PTPN11: variants seen among roughly 807,000 people sequenced by gnomAD.
PTPN11 encodes the protein protein tyrosine phosphatase non-receptor type 11.
Under a neutral mutation model 78.8 loss-of-function variants are expected in PTPN11, and 6 were observed. That is an observed-to-expected ratio of 0.08 (90% CI 0.04 to 0.15). The LOEUF is 0.15. Among genes scored for constraint, PTPN11 ranks in the 10% least tolerant of loss-of-function variants. The pLI is 1.00. For synonymous variants in PTPN11, 221 were observed against 263.5 expected, an observed-to-expected ratio of 0.84 and a Z score of 1.56; for missense variants, 386 against 744.8, an observed-to-expected ratio of 0.52 and a Z score of 5.61.
At chr12:112,488,286 A>G (rs533704223) in intron 11 of PTPN11, among the ~76,000 whole-genome samples, 157 bp from the exon 12 acceptor site, 7 of 152,306 alleles carry the variant, frequency 4.6e-5, no homozygotes, top group East Asian at 1.9e-4. Flanking sequence ...CCAAAGCCCT[A>G]TGCTTTTTGC....
chr12:112,485,387 G>A (rs1450821944), intron 10 of PTPN11, among the ~76,000 whole-genome samples: 1 of 152,100 alleles, frequency 6.6e-6, no homozygotes, highest in Non-Finnish European at 1.5e-5. Context: ...TGTAGCCTTG[G>A]TGCCATTGTT....
In PTPN11 at chr12:112,446,149, G is replaced by T. The variant is rs953358192; in HGVS notation, c.15-127G>T. 2.6e-6 allele frequency: 3 copies of T among 1,175,482 alleles called. No individual in the cohort carries two copies. The Middle Eastern group carries it at 8.3e-4, about 325-fold the overall frequency. 72.8% of individuals were successfully genotyped at this position (1,175,482 alleles called of 1,614,324 possible). A position where few individuals can be genotyped will look rare whatever the true frequency, so the allele number is the denominator to read the frequency against. Reference sequence around the variant, plus strand: ...AAGGAGAAGAGGGGGAAGGGACAGGGAAGGTCTTGATTTGTATTTTCTAAA... The same window carrying T: ...AAGGAGAAGAGGGGGAAGGGACAGGTAAGGTCTTGATTTGTATTTTCTAAA... On this transcript the variant is annotated intron_variant, in intron 1 of 15. Transcript: ENST00000351677.
In PTPN11 at chr12:112,459,793, T is replaced by C. The variant is rs115501798; in HGVS notation, c.756+3730T>C. Among the ~76,000 whole-genome samples the C allele has an allele frequency of 9.7e-3, 1,473 of 152,112 alleles. 23 individuals carry two copies. The highest frequency in any genetic ancestry group is 0.034 in the African/African-American group (1,402 of 41,502). On this transcript the variant is annotated intron_variant, in intron 6 of 15. Coordinates refer to ENST00000351677, the MANE Select transcript of PTPN11 (RefSeq NM_002834.5). ...TTGAAGCAAATCTTAACACATCATT[T>C]CGTCTGTAACTATTTTATTTCAAAA...
intron 13 of PTPN11, among the ~76,000 whole-genome samples, chr12:112,492,189 A>G (rs528240561): frequency 6.6e-6 from 1 of 152,272 alleles, no homozygotes; most frequent in East Asian, 1.9e-4. Flanking sequence ...GGACTGTCAC[A>G]GAAATGTTGT....
chr12:112,472,565 G>A lies in PTPN11; in HGVS notation c.757-379G>A, dbSNP rs77781160. Among the ~76,000 whole-genome samples, 202 of 147,178 alleles carry A rather than the reference G, an allele frequency of 1.4e-3. 2 individuals carry two copies. The East Asian group carries it at 0.02, about 15-fold the overall frequency. On this transcript the variant is annotated intron_variant, in intron 6 of 15. Transcript: ENST00000351677. ...TTTTTTTTTTTTGAGACGGAGTCTC[G>A]CTCTTTCGCCCAGGCTGGAGTGCAG...
chr12:112,423,348 C>T (rs528081030), intron 1 of PTPN11, among the ~76,000 whole-genome samples: 1 of 151,948 alleles, frequency 6.6e-6, no homozygotes. Context: ...TGCAGTGATA[C>T]AATATTGGCT....
At chr12:112,476,886 C>T (rs1040961871) in intron 7 of PTPN11, among the ~76,000 whole-genome samples, 6 of 152,200 alleles carry the variant, frequency 3.9e-5, no homozygotes, top group African/African-American at 1.4e-4. Context: ...CCAGCTTCAA[C>T]AATTATCAAC....
chr12:112,473,604 T>A (rs1327201412), intron 7 of PTPN11, among the ~76,000 whole-genome samples: 1 of 151,996 alleles, frequency 6.6e-6, no homozygotes, highest in African/African-American at 2.4e-5. Flanking sequence ...CCCAGCACTT[T>A]CGGAGGCCGA....
chr12:112,499,404 G>A (rs1351409811), intron 13 of PTPN11, among the ~76,000 whole-genome samples: 1 of 151,968 alleles, frequency 6.6e-6, no homozygotes, highest in Non-Finnish European at 1.5e-5. Context: ...GTGCAGTGGT[G>A]TCTTGGCTCA....
At chr12:112,447,111 C>T (rs912753578) in intron 2 of PTPN11, among the ~76,000 whole-genome samples, 3 of 151,854 alleles carry the variant, frequency 2.0e-5, no homozygotes, top group African/African-American at 7.3e-5. Context: ...TCAAGTGATC[C>T]TCCTGCCTCA....
intron 6 of PTPN11, among the ~76,000 whole-genome samples, chr12:112,464,278 TG>T (rs1463936532): frequency 6.6e-6 from 1 of 152,224 alleles, no homozygotes. Context: ...TGAAGTCTCT[TG>T]TGAAGCTCTT....
At position 112,446,323 on chromosome 12, in the gene PTPN11, T is replaced by G; in HGVS notation, c.62T>G (p.Leu21Trp). Residue 21 changes from leucine to tryptophan, a missense_variant, in exon 2 of 16, where the codon TTG (leucine) becomes TGG (tryptophan). By Grantham distance (61) the Leu-to-Trp change is moderately conservative (BLOSUM62 -2). Transcript: ENST00000351677. ...ITGVEAENLLLTRGVDGSFLA... is the reference protein window; with the variant it reads ...ITGVEAENLLWTRGVDGSFLA... ...GGTGTGGAGGCAGAAAACCTACTGTTGACAAGAGGAGTTGATGGCAGTTTT... is the reference window on the plus strand; with the variant it reads ...GGTGTGGAGGCAGAAAACCTACTGTGGACAAGAGGAGTTGATGGCAGTTTT... The G allele has an allele frequency of 6.2e-7, 1 of 1,614,120 alleles. No individual in the cohort carries two copies. Among genetic ancestry groups the G allele is most frequent in the Non-Finnish European group, 8.5e-7 (1 of 1,179,992 alleles).
chr12:112,439,370 T>C (rs931998272), intron 1 of PTPN11, among the ~76,000 whole-genome samples: 10 of 152,198 alleles, frequency 6.6e-5, no homozygotes, highest in African/African-American at 1.9e-4. Context: ...TTCAGCTCAC[T>C]GTAACCTCTG....
intron 6 of PTPN11, among the ~76,000 whole-genome samples, chr12:112,467,741 T>C (rs970947866): frequency 3.0e-4 from 45 of 152,266 alleles, no homozygotes; most frequent in African/African-American, 1.0e-3. Context: ...GTAATCCGCC[T>C]GCCTCGGCCT....
chr12:112,462,609 T>C lies in PTPN11; in HGVS notation c.756+6546T>C, dbSNP rs139399330. ...GTTTTAGCCATAGTATAAAAAGTTA[T>C]GGTTTATCATTATATTTCAAAAATA... is the stretch of plus-strand genomic sequence containing the variant. On this transcript the variant is annotated intron_variant, in intron 6 of 15. Coordinates refer to ENST00000351677, the MANE Select transcript of PTPN11 (RefSeq NM_002834.5). Among the ~76,000 whole-genome samples the C allele has an allele frequency of 1.2e-3, 186 of 152,372 alleles. 1 individual carries two copies. Among genetic ancestry groups the C allele is most frequent in the African/African-American group, 4.3e-3 (178 of 41,594 alleles).
At chr12:112,497,630 A>G (rs2038829229) in intron 13 of PTPN11, among the ~76,000 whole-genome samples, 1 of 152,188 alleles carries the variant, frequency 6.6e-6, no homozygotes, top group Admixed American at 6.5e-5. Flanking sequence ...CACTGGGAAT[A>G]TTTAAGTAGT....
At chr12:112,474,444 C>G (rs941037097) in intron 7 of PTPN11, among the ~76,000 whole-genome samples, 4 of 152,222 alleles carry the variant, frequency 2.6e-5, no homozygotes, top group South Asian at 4.1e-4. Context: ...TCTTGAACTC[C>G]TGGGCTCAAG....
intron 6 of PTPN11, among the ~76,000 whole-genome samples, chr12:112,461,281 T>A (rs2038242879): frequency 1.3e-5 from 2 of 152,130 alleles, no homozygotes; most frequent in South Asian, 4.1e-4. Flanking sequence ...TATAAAAAGC[T>A]TTTCATCGCC....
chr12:112,453,983 C>A (rs1461633688), intron 4 of PTPN11, among the ~76,000 whole-genome samples: 2 of 151,894 alleles, frequency 1.3e-5, no homozygotes, highest in South Asian at 2.1e-4. Context: ...TAGTCAAGTT[C>A]GTCTATGCTT....
Sources: allele counts gnomAD v4.1 joint callset (sites outside exome capture counted in the v4.1 genomes callset), GRCh38; gene constraint gnomAD v4.1.1; transcripts MANE v1.5; gene names NCBI Gene and HGNC (gene_info 2026-07-23, HGNC 2026-07-21).